The following PHYHIPL variants were observed in gnomAD, a reference collection of about 807,000 sequenced individuals.
PHYHIPL encodes phytanoyl-CoA 2-hydroxylase interacting protein like, also known as phytanoyl-CoA hydroxylase-interacting protein-like.
In PHYHIPL, 9 loss-of-function variants were observed where a neutral mutation model predicts 33.4. The ratio of observed to expected loss-of-function variants is 0.27; its 90% CI spans 0.16 to 0.47. PHYHIPL has a LOEUF of 0.47. Ranked by LOEUF, PHYHIPL falls within the 20% of genes least tolerant of loss-of-function variation. The pLI is 0.99. For synonymous variants in PHYHIPL, 153 were observed against 154.1 expected (o/e 0.99, Z 0.05); for missense variants, 365 against 460.7 (o/e 0.79, Z 1.90).
rs189951485 is a variant in PHYHIPL at position 59,189,973 on chromosome 10, G to A, written c.106+13014G>A. On this transcript the variant is annotated intron_variant, in intron 1 of 4. Coordinates refer to ENST00000373880, the MANE Select transcript of PHYHIPL (RefSeq NM_032439.4). Reference sequence around the variant, plus strand: ...AGCTAGTTGCAGCTAGCTAGGTTATGCCATGATTAGGATTTTGGATTTATT... The same window carrying A: ...AGCTAGTTGCAGCTAGCTAGGTTATACCATGATTAGGATTTTGGATTTATT... Among the ~76,000 whole-genome samples, 410 of 152,056 alleles carry A rather than the reference G, an allele frequency of 2.7e-3. 2 individuals carry two copies. The highest frequency in any genetic ancestry group is 9.3e-3 in the African/African-American group (385 of 41,536).
At chr10:59,205,638 CTACT>C (rs1467324069) in intron 1 of PHYHIPL, among the ~76,000 whole-genome samples, 1 of 152,050 alleles carries the variant, frequency 6.6e-6, no homozygotes, top group Non-Finnish European at 1.5e-5. Context: ...GTTCATCATC[CTACT>C]TCAGCTAATA....
chr10:59,177,035 G>T, intron 1 of PHYHIPL, 76 bp downstream of exon 1: 1 of 1,306,382 alleles, frequency 7.7e-7, no homozygotes, highest in Non-Finnish European at 1.1e-6. Flanking sequence ...CTCCGCCGAC[G>T]CCGCTCGCCA....
chr10:59,211,824 TGAAAG>T (rs1839456396), intron 1 of PHYHIPL, among the ~76,000 whole-genome samples: 1 of 152,184 alleles, frequency 6.6e-6, no homozygotes, highest in African/African-American at 2.4e-5. Flanking sequence ...TAAAAGCTAA[TGAAAG>T]GAATTCATTT....
At chr10:59,232,005 C>A (rs187706303) in intron 1 of PHYHIPL, among the ~76,000 whole-genome samples, 17 of 152,000 alleles carry the variant, frequency 1.1e-4, no homozygotes, top group Non-Finnish European at 2.2e-4. Flanking sequence ...TACAGAATTT[C>A]TTTTTTAAAA....
At chr10:59,186,815 T>C (rs1838620411) in intron 1 of PHYHIPL, among the ~76,000 whole-genome samples, 1 of 152,248 alleles carries the variant, frequency 6.6e-6, no homozygotes, top group South Asian at 2.1e-4. Context: ...ATTGATTTTT[T>C]ATCCTGAGAC....
At chr10:59,222,402 C>T (rs140860957) in intron 1 of PHYHIPL, among the ~76,000 whole-genome samples, 1 of 151,544 alleles carries the variant, frequency 6.6e-6, no homozygotes, top group Non-Finnish European at 1.5e-5. Context: ...GTAATAAAAG[C>T]GAAATATTCT....
At chr10:59,205,537 T>G (rs1839260454) in intron 1 of PHYHIPL, among the ~76,000 whole-genome samples, 1 of 152,226 alleles carries the variant, frequency 6.6e-6, no homozygotes, top group Non-Finnish European at 1.5e-5. Context: ...ATTTTTCTCT[T>G]GTATTTATTT....
intron 4 of PHYHIPL, among the ~76,000 whole-genome samples, chr10:59,243,745 G>T (rs1840499420): frequency 6.6e-6 from 1 of 151,556 alleles, no homozygotes. Context: ...GCTGGTCAGG[G>T]ACCCAGCAAA....
At chr10:59,198,725 TG>T (rs1337529245) in intron 1 of PHYHIPL, among the ~76,000 whole-genome samples, 1 of 145,730 alleles carries the variant, frequency 6.9e-6, no homozygotes, top group Non-Finnish European at 1.5e-5. Context: ...TATTGTTTCC[TG>T]ACTTTTTAAT....
intron 1 of PHYHIPL, among the ~76,000 whole-genome samples, chr10:59,233,661 C>T (rs1045901575): frequency 2.0e-5 from 3 of 151,718 alleles, no homozygotes; most frequent in African/African-American, 4.8e-5. Context: ...AACTAGTTGT[C>T]ATATAAATTC....
intron 1 of PHYHIPL, among the ~76,000 whole-genome samples, chr10:59,232,207 T>C (rs1041574822): frequency 7.2e-5 from 11 of 151,990 alleles, no homozygotes; most frequent in African/African-American, 2.7e-4. Flanking sequence ...AATATTCTCT[T>C]ACACAACCAA....
chr10:59,236,442 T>A (rs753352577), intron 2 of PHYHIPL, 41 bp from the exon 3 acceptor site: 2 of 1,339,100 alleles, frequency 1.5e-6, no homozygotes, highest in Admixed American at 4.3e-5. Context: ...CCTCTCTGTC[T>A]CCCCTCATTT....
chr10:59,232,524 G>A (rs1457727084), intron 1 of PHYHIPL, among the ~76,000 whole-genome samples: 1 of 151,882 alleles, frequency 6.6e-6, no homozygotes, highest in African/African-American at 2.4e-5. Flanking sequence ...AATCATTTGT[G>A]ACTTTAAGGT....
At chr10:59,232,059 T>C (rs919620297) in intron 1 of PHYHIPL, among the ~76,000 whole-genome samples, 6 of 152,010 alleles carry the variant, frequency 3.9e-5, no homozygotes, top group Admixed American at 2.0e-4. Flanking sequence ...ATGCCTAAAG[T>C]ACTGTGAGAG....
rs753973977 is a variant in PHYHIPL, at chr10:59,234,341, A to G, written c.144A>G (p.Glu48=). 1 of 1,595,464 alleles carries G rather than the reference A, an allele frequency of 6.3e-7. No homozygotes were observed. The highest frequency in any genetic ancestry group is 8.5e-7 in the Non-Finnish European group (1 of 1,173,916). ...AAGACAGTGGCATAGCAGAGATGGA[A>G]GAACTTCCTGTACCACATAACATCA... is the stretch of plus-strand genomic sequence containing the variant. ...KSQDSGIAEM[E]ELPVPHNIKI... is the part of the protein sequence containing the mutation. Residue 48 remains glutamate (E), a synonymous_variant, in exon 2 of 5, where the codon GAA becomes GAG. Coordinates refer to ENST00000373880, the MANE Select transcript of PHYHIPL (RefSeq NM_032439.4).
intron 1 of PHYHIPL, among the ~76,000 whole-genome samples, chr10:59,223,980 T>C (rs1378656554): frequency 6.6e-6 from 1 of 152,104 alleles, no homozygotes; most frequent in African/African-American, 2.4e-5. Flanking sequence ...TTTTTATAGA[T>C]AAATAAGCTA....
chr10:59,218,280 C>A (rs1398620597), intron 1 of PHYHIPL, among the ~76,000 whole-genome samples: 1 of 152,146 alleles, frequency 6.6e-6, no homozygotes, highest in African/African-American at 2.4e-5. Flanking sequence ...GTGATGGGTC[C>A]TCGAAGCTTA....
chr10:59,238,720 T>C lies in PHYHIPL; in HGVS notation c.596+15T>C, dbSNP rs779183995. ...GACTATGTTCGGTAAGATTCAAAAA[T>C]ATATAGTGATTTGTTTTACTAAATA... On this transcript the variant is annotated intron_variant, in intron 4 of 4. Coordinates refer to ENST00000373880, the MANE Select transcript of PHYHIPL (RefSeq NM_032439.4). 6.8e-7 allele frequency: 1 copy of C among 1,475,232 alleles called. No individual in the cohort carries two copies. The highest frequency in any genetic ancestry group is 9.5e-7 in the Non-Finnish European group (1 of 1,056,160). The allele number at this position is 1,475,232 out of a possible 1,614,324, so 91.4% of individuals were successfully genotyped here.
chr10:59,176,410 C>G (rs1838249808), upstream of PHYHIPL, among the ~76,000 whole-genome samples: 1 of 151,994 alleles, frequency 6.6e-6, no homozygotes, highest in Non-Finnish European at 1.5e-5. Flanking sequence ...CCCGCGCGCT[C>G]GGTCGCCCGA....
Sources: allele counts gnomAD v4.1 joint callset (sites outside exome capture counted in the v4.1 genomes callset), GRCh38; gene constraint gnomAD v4.1.1; transcripts MANE v1.5; gene names NCBI Gene and HGNC (gene_info 2026-07-23, HGNC 2026-07-21).